Variants in ABCD2 observed in about 807,000 individuals in gnomAD.
ABCD2 encodes the protein ATP binding cassette subfamily D member 2.
A neutral mutation model predicts 70.9 loss-of-function variants in ABCD2; 36 were observed. The observed-to-expected ratio is 0.51, with a 90% CI of 0.39 to 0.67. The LOEUF is 0.67. Ranked by LOEUF, ABCD2 falls within the 30% of genes least tolerant of loss-of-function variation. The pLI is 0.00. For synonymous variants in ABCD2, 304 were observed against 306.9 expected, an observed-to-expected ratio of 0.99 and a Z score of 0.10; for missense variants, 729 against 890.2, an observed-to-expected ratio of 0.82 and a Z score of 2.30.
chr12:39,541,503 G>A, the ABCD2 span, among the ~76,000 whole-genome samples: 1 of 152,182 alleles, frequency 6.6e-6, no homozygotes, highest in East Asian at 1.9e-4. Context: ...AGAGGCTTGA[G>A]GAGAAAGGAA....
chr12:39,607,491 C>A (rs1482819695), intron 3 of ABCD2, 108 bp downstream of exon 3: 2 of 870,438 alleles, frequency 2.3e-6, no homozygotes, highest in East Asian at 5.4e-5. Flanking sequence ...CAATTTTTGG[C>A]AGAGAAAAGA....
At chr12:39,565,673 A>T (rs534980041) in intron 9 of ABCD2, among the ~76,000 whole-genome samples, 1 of 152,212 alleles carries the variant, frequency 6.6e-6, no homozygotes, top group South Asian at 2.1e-4. Flanking sequence ...ATGTTGAATA[A>T]GAGTGGTGAG....
At chr12:39,604,044 A>G in intron 4 of ABCD2, 38 bp from the exon 5 acceptor site, 1 of 1,401,310 alleles carries the variant, frequency 7.1e-7, no homozygotes, top group Non-Finnish European at 1.0e-6. Context: ...AAACATTATC[A>G]CAGGTTTCTG....
At chr12:39,603,450 C>A (rs910093958) in intron 5 of ABCD2, among the ~76,000 whole-genome samples, 3 of 151,822 alleles carry the variant, frequency 2.0e-5, no homozygotes, top group African/African-American at 7.3e-5. Context: ...ATCCATAAAT[C>A]TTCTGATTAT....
intron 7 of ABCD2, among the ~76,000 whole-genome samples, chr12:39,585,883 T>C (rs992017578): frequency 6.6e-6 from 1 of 152,134 alleles, no homozygotes; most frequent in African/African-American, 2.4e-5. Flanking sequence ...AGGGACTTTG[T>C]ACATTCGAAT....
At chr12:39,555,573 C>T (rs1182433654) in intron 9 of ABCD2, among the ~76,000 whole-genome samples, 2 of 152,124 alleles carry the variant, frequency 1.3e-5, no homozygotes, top group African/African-American at 4.8e-5. Flanking sequence ...CCACAAAGTG[C>T]ACAGCTCAGA....
intron 8 of ABCD2, among the ~76,000 whole-genome samples, chr12:39,577,587 G>C (rs1343155371): frequency 6.6e-6 from 1 of 152,138 alleles, no homozygotes; most frequent in Non-Finnish European, 1.5e-5. Flanking sequence ...TGTGAAACTT[G>C]TTTAGATCCA....
chr12:39,606,040 T>C (rs563470427), intron 3 of ABCD2, among the ~76,000 whole-genome samples: 2 of 152,232 alleles, frequency 1.3e-5, no homozygotes, highest in South Asian at 4.1e-4. Context: ...AGTTGTCAAG[T>C]AGAGGAAAAC....
intron 9 of ABCD2, among the ~76,000 whole-genome samples, chr12:39,562,610 A>T (rs1941277100): frequency 6.6e-6 from 1 of 152,136 alleles, no homozygotes; most frequent in African/African-American, 2.4e-5. Context: ...TTGAACACAT[A>T]CAACCTACAA....
intron 9 of ABCD2, among the ~76,000 whole-genome samples, chr12:39,561,089 C>A (rs996707195): frequency 1.3e-5 from 2 of 152,026 alleles, no homozygotes; most frequent in African/African-American, 4.8e-5. Context: ...GGATTAAGTT[C>A]TCCAATTAAA....
chr12:39,555,676 C>T (rs983961237), intron 9 of ABCD2, among the ~76,000 whole-genome samples: 1 of 152,180 alleles, frequency 6.6e-6, no homozygotes, highest in Non-Finnish European at 1.5e-5. Context: ...TAAAACCCAG[C>T]ACTAGACAGA....
At chr12:39,569,613 G>A (rs182216251) in intron 9 of ABCD2, among the ~76,000 whole-genome samples, 1 of 152,070 alleles carries the variant, frequency 6.6e-6, no homozygotes, top group Non-Finnish European at 1.5e-5. Flanking sequence ...CCTCACGCTC[G>A]GTGGTCTGCA....
intron 9 of ABCD2, among the ~76,000 whole-genome samples, chr12:39,560,732 G>T (rs1941244183): frequency 6.6e-6 from 1 of 151,866 alleles, no homozygotes; most frequent in African/African-American, 2.4e-5. Context: ...TGCCTTTTTT[G>T]CAATTAAATT....
Position 39,619,728 on chromosome 12 carries a change from G to T in ABCD2, c.-113C>A. On this transcript the variant is annotated 5_prime_UTR_variant, in exon 1 of 10. Transcript: ENST00000308666. ...CCTACAGCGTCCCATAGTCTGCAGCGTTTCTCTTCCACTGTTGTGTTTTTA... is the reference window on the plus strand; with the variant it reads ...CCTACAGCGTCCCATAGTCTGCAGCTTTTCTCTTCCACTGTTGTGTTTTTA... 1.1e-6 allele frequency: 1 copy of T among 919,202 alleles called. No individual in the cohort carries two copies. The highest frequency in any genetic ancestry group is 1.6e-6 in the Non-Finnish European group (1 of 625,082). The allele number at this position is 919,202 out of a possible 1,614,324, so 56.9% of individuals were successfully genotyped here.
chr12:39,582,265 G>A (rs558001828), intron 7 of ABCD2, among the ~76,000 whole-genome samples: 4 of 152,222 alleles, frequency 2.6e-5, no homozygotes, highest in Admixed American at 6.5e-5. Flanking sequence ...TGACTTTCAA[G>A]TCAGAACTGT....
intron 8 of ABCD2, among the ~76,000 whole-genome samples, chr12:39,574,451 C>T (rs1941489737): frequency 6.6e-6 from 1 of 152,092 alleles, no homozygotes; most frequent in Non-Finnish European, 1.5e-5. Context: ...GTATATTGGA[C>T]AATTTTTTAA....
chr12:39,548,599 C>T (rs1252643578), downstream of ABCD2, among the ~76,000 whole-genome samples: 1 of 151,850 alleles, frequency 6.6e-6, no homozygotes, highest in African/African-American at 2.4e-5. Flanking sequence ...CTCTTTTGCA[C>T]CTTCCCAGGT....
intron 1 of ABCD2, among the ~76,000 whole-genome samples, chr12:39,618,294 A>G (rs1019989937): frequency 1.3e-5 from 2 of 152,188 alleles, no homozygotes; most frequent in African/African-American, 4.8e-5. Flanking sequence ...TTCAGTGGAA[A>G]TATGTTTAGT....
rs941419000 is a variant in ABCD2 at position 39,586,140 on chromosome 12, G to A, written c.1792+12C>T. Reference sequence around the variant, plus strand: ...GAAGTTAAATGCATTAGAAAAGAATGATAGACTTTACCTCCTTCTCTTTGA... The same window carrying A: ...GAAGTTAAATGCATTAGAAAAGAATAATAGACTTTACCTCCTTCTCTTTGA... On this transcript the variant is annotated intron_variant, in intron 7 of 9. Transcript: ENST00000308666. The A allele has an allele frequency of 5.0e-6, 8 of 1,599,028 alleles. No individual in the cohort carries two copies. The highest frequency in any genetic ancestry group is 6.8e-6 in the Non-Finnish European group (8 of 1,173,014).
Sources: allele counts gnomAD v4.1 joint callset (sites outside exome capture counted in the v4.1 genomes callset), GRCh38; gene constraint gnomAD v4.1.1; transcripts MANE v1.5; gene names NCBI Gene and HGNC (gene_info 2026-07-23, HGNC 2026-07-21).